The following ADAMTSL1 variants were observed in gnomAD, a reference collection of about 807,000 sequenced individuals.
The protein encoded by ADAMTSL1 is ADAMTS like 1, also known as ADAMTS-like protein 1.
In ADAMTSL1, 126 loss-of-function variants were observed where a neutral mutation model predicts 201.8. The observed-to-expected ratio is 0.62, with a 90% CI of 0.54 to 0.72. The LOEUF is 0.72. Ranked by LOEUF, ADAMTSL1 falls within the 30% of genes least tolerant of loss-of-function variation. The pLI, the probability that ADAMTSL1 is intolerant of heterozygous loss-of-function variation, is 0.00. For synonymous variants in ADAMTSL1, 1,121 were observed against 903.4 expected (o/e 1.24, Z -4.32); for missense variants, 2,679 against 2,277.8 (o/e 1.18, Z -3.59).
chr9:18,545,914 T>C (rs1820439293), intron 3 of ADAMTSL1, among the ~76,000 whole-genome samples: 1 of 152,178 alleles, frequency 6.6e-6, no homozygotes, highest in South Asian at 2.1e-4. Context: ...CTAGAAACGA[T>C]AAGCAGCATC....
chr9:18,384,174 G>T (rs139732872), intron 2 of ADAMTSL1, among the ~76,000 whole-genome samples: 1 of 152,258 alleles, frequency 6.6e-6, no homozygotes, highest in African/African-American at 2.4e-5. Flanking sequence ...AGGAAGTGTA[G>T]CTGGGGAGGC....
At chr9:18,067,317 G>T (rs140370735) in intron 1 of ADAMTSL1, among the ~76,000 whole-genome samples, 140 of 152,260 alleles carry the variant, frequency 9.2e-4, no homozygotes, top group African/African-American at 3.2e-3. Flanking sequence ...TACTTAAAGA[G>T]TTAATATGTA....
At chr9:18,239,442 A>G (rs1350790437) in intron 2 of ADAMTSL1, among the ~76,000 whole-genome samples, 1 of 152,170 alleles carries the variant, frequency 6.6e-6, no homozygotes, top group East Asian at 1.9e-4. Flanking sequence ...TTCTGTTTCA[A>G]GAAACCCACT....
intron 4 of ADAMTSL1, among the ~76,000 whole-genome samples, chr9:18,592,987 G>T (rs969161980): frequency 2.0e-5 from 3 of 152,056 alleles, no homozygotes; most frequent in Non-Finnish European, 4.4e-5. Flanking sequence ...TATTGTAAAT[G>T]AGATTACTTT....
intron 2 of ADAMTSL1, 100 bp downstream of exon 2, chr9:18,505,056 C>T (rs1823053318): frequency 7.2e-7 from 1 of 1,385,118 alleles, no homozygotes; most frequent in Non-Finnish European, 9.6e-7. Flanking sequence ...TTGTGGCTTA[C>T]AGATCCAGAT....
intron 2 of ADAMTSL1, among the ~76,000 whole-genome samples, chr9:18,522,662 T>C (rs893356490): frequency 6.9e-6 from 1 of 145,762 alleles, no homozygotes; most frequent in Admixed American, 6.9e-5. Flanking sequence ...CACTGTTCAA[T>C]TCCCACCTAT....
intron 3 of ADAMTSL1, among the ~76,000 whole-genome samples, chr9:18,561,431 G>T (rs1821490794): frequency 1.3e-5 from 2 of 152,154 alleles, no homozygotes; most frequent in East Asian, 1.9e-4. Context: ...ATTTGCTGAG[G>T]AGTGTTTTAC....
At position 18,739,702 on chromosome 9, in the gene ADAMTSL1, T is replaced by C. The variant is rs75393598; in HGVS notation, c.2007-13596T>C. Among the ~76,000 whole-genome samples, 1,459 of 152,318 alleles carry C rather than the reference T, an allele frequency of 9.6e-3. 6 individuals are homozygous for C. Among genetic ancestry groups the C allele is most frequent in the Non-Finnish European group, 0.015 (1,035 of 68,024 alleles). ...AAAACATTTGTGGAAAGCCTCATTC[T>C]CACTCCCCACGTCAACACCCTTTAG... On this transcript the variant is annotated intron_variant, in intron 15 of 28. Coordinates refer to ENST00000380548, the MANE Select transcript of ADAMTSL1 (RefSeq NM_001040272.6).
intron 1 of ADAMTSL1, among the ~76,000 whole-genome samples, chr9:17,999,874 G>A (rs991945201): frequency 8.2e-4 from 123 of 149,746 alleles, no homozygotes; most frequent in African/African-American, 5.2e-4. Flanking sequence ...TTGTTCTTGC[G>A]ACAGTTTACT....
chr9:18,199,551 A>G (rs1829343527), intron 2 of ADAMTSL1, among the ~76,000 whole-genome samples: 1 of 152,100 alleles, frequency 6.6e-6, no homozygotes, highest in South Asian at 2.1e-4. Context: ...GTATTTTGAC[A>G]GTTTTATCAT....
At chr9:18,761,327 A>G (rs1820060269) in intron 16 of ADAMTSL1, among the ~76,000 whole-genome samples, 1 of 152,250 alleles carries the variant, frequency 6.6e-6, no homozygotes, top group Admixed American at 6.5e-5. Flanking sequence ...AAAATCTTTA[A>G]AAGTACAGGA....
At chr9:18,175,650 T>G (rs1388117339) in intron 2 of ADAMTSL1, among the ~76,000 whole-genome samples, 1 of 152,142 alleles carries the variant, frequency 6.6e-6, no homozygotes, top group African/African-American at 2.4e-5. Flanking sequence ...CTGCCTGGAA[T>G]GTCTTCCTTC....
At chr9:18,688,267 G>T (rs1401024191) in intron 13 of ADAMTSL1, among the ~76,000 whole-genome samples, 2 of 151,624 alleles carry the variant, frequency 1.3e-5, no homozygotes, top group East Asian at 3.9e-4. Context: ...GGGATTACAG[G>T]TGCCCACCAC....
intron 1 of ADAMTSL1, among the ~76,000 whole-genome samples, chr9:18,153,662 C>A (rs1176246290): frequency 6.6e-6 from 1 of 151,962 alleles, no homozygotes; most frequent in Non-Finnish European, 1.5e-5. Context: ...AAGGCAGTGA[C>A]TTTGATGACT....
chr9:18,219,547 T>C (rs1296023090), intron 2 of ADAMTSL1, among the ~76,000 whole-genome samples: 1 of 151,976 alleles, frequency 6.6e-6, no homozygotes. Context: ...TTTTGTATTT[T>C]TAGTAGAGAC....
At chr9:18,206,271 T>A (rs190643502) in intron 2 of ADAMTSL1, among the ~76,000 whole-genome samples, 10 of 152,138 alleles carry the variant, frequency 6.6e-5, no homozygotes, top group Admixed American at 6.5e-4. Context: ...TTCTTTGATT[T>A]GAGGAATTTG....
At chr9:18,176,007 CAAAAAAAAA>C (rs57982328) in intron 2 of ADAMTSL1, among the ~76,000 whole-genome samples, 2 of 62,578 alleles carry the variant, frequency 3.2e-5, no homozygotes, top group Admixed American at 1.8e-4. Context: ...AGAGGGAAAG[CAAAAAAAAA>C]AAAAAAAAAA....
At chr9:18,355,489 C>T (rs985800702) in intron 2 of ADAMTSL1, among the ~76,000 whole-genome samples, 1 of 152,004 alleles carries the variant, frequency 6.6e-6, no homozygotes, top group Non-Finnish European at 1.5e-5. Flanking sequence ...TTGTATAAGC[C>T]CTTTTCAAAT....
chr9:18,904,196 C>T (rs757553638), intron 26 of ADAMTSL1, among the ~76,000 whole-genome samples: 10 of 152,140 alleles, frequency 6.6e-5, no homozygotes, highest in African/African-American at 1.2e-4. Context: ...TGGCCAGGCA[C>T]GGTGGCTTAC....
Sources: gnomAD v4.1 joint callset for allele counts (sites outside exome capture counted in the v4.1 genomes callset) on GRCh38, gnomAD v4.1.1 for gene constraint, MANE v1.5 for transcripts, NCBI Gene and HGNC (gene_info 2026-07-23, HGNC 2026-07-21) for gene names.